The following LNX1 variants were observed in gnomAD, a reference collection of about 807,000 sequenced individuals.
LNX1 encodes the protein ligand of numb-protein X 1.
Under a neutral mutation model 68.4 loss-of-function variants are expected in LNX1, and 54 were observed. That is an observed-to-expected ratio of 0.79 (90% CI 0.63 to 0.99). The LOEUF (loss-of-function observed/expected upper bound fraction) is 0.99. LNX1 is among the 50% of genes least tolerant of loss of function. LNX1 has a pLI of 0.00. For missense variants in LNX1, 906 were observed against 926.4 expected, an observed-to-expected ratio of 0.98 and a Z score of 0.29; for synonymous variants, 336 against 350.0, an observed-to-expected ratio of 0.96 and a Z score of 0.45.
intron 2 of LNX1, among the ~76,000 whole-genome samples, chr4:53,554,685 C>T (rs1418378280): frequency 6.6e-6 from 1 of 152,138 alleles, no homozygotes; most frequent in Non-Finnish European, 1.5e-5. Flanking sequence ...AACCCCTTCT[C>T]TACTAAAAAT....
At chr4:53,535,812 C>A (rs2109637264) in intron 2 of LNX1, among the ~76,000 whole-genome samples, 1 of 152,278 alleles carries the variant, frequency 6.6e-6, no homozygotes, top group East Asian at 1.9e-4. Flanking sequence ...ACTTCTCATT[C>A]ATCTGTTGGC....
At position 53,563,637 on chromosome 4, in the gene LNX1, C is replaced by T. The variant is rs540248340; in HGVS notation, c.380+9986G>A. 2.0e-4 allele frequency among the ~76,000 whole-genome samples: 31 copies of T among 151,890 alleles called. No individual in the cohort carries two copies. In the East Asian group the frequency reaches 5.6e-3, roughly 28 times the overall value. On this transcript the variant is annotated intron_variant, in intron 2 of 10. Coordinates refer to ENST00000263925, the MANE Select transcript of LNX1 (RefSeq NM_001126328.3). The stretch of plus-strand genomic sequence containing the variant: ...GCAACCTCTGCCTCCCAGGTTCAAG[C>T]GATTCTCCTGCCTCAGCCTCCCGAG...
intron 2 of LNX1, among the ~76,000 whole-genome samples, chr4:53,542,849 T>A (rs1220160173): frequency 6.6e-6 from 1 of 152,078 alleles, no homozygotes; most frequent in Non-Finnish European, 1.5e-5. Context: ...AACCCCCCTC[T>A]CCCATCAGGA....
intron 2 of LNX1, among the ~76,000 whole-genome samples, chr4:53,562,140 T>C (rs998495257): frequency 1.3e-5 from 2 of 152,170 alleles, no homozygotes; most frequent in Non-Finnish European, 2.9e-5. Context: ...AAAATGGAAA[T>C]GTGGTCTTGA....
chr4:53,564,168 TTCA>T (rs1355480185), intron 2 of LNX1, among the ~76,000 whole-genome samples: 1 of 152,198 alleles, frequency 6.6e-6, no homozygotes, highest in East Asian at 1.9e-4. Context: ...GAGCTGAGTG[TTCA>T]TCAAGCCTCT....
At chr4:53,467,066 C>A (rs186198735) in intron 9 of LNX1, among the ~76,000 whole-genome samples, 1 of 152,144 alleles carries the variant, frequency 6.6e-6, no homozygotes, top group South Asian at 2.1e-4. Context: ...CCCTGACCCC[C>A]GAGTAGCCTA....
At chr4:53,605,485 A>G (rs569356172) in intron 2 of LNX1, among the ~76,000 whole-genome samples, 2 of 152,244 alleles carry the variant, frequency 1.3e-5, no homozygotes, top group East Asian at 1.9e-4. Context: ...CCAGTATACA[A>G]TACAATATTT....
chr4:53,624,334 A>G (rs1733995662), intron 1 of LNX1, among the ~76,000 whole-genome samples: 1 of 152,080 alleles, frequency 6.6e-6, no homozygotes, highest in Admixed American at 6.5e-5. Context: ...TTTCCCCCAT[A>G]CTGTTCTAGT....
chr4:53,486,663 A>G (rs1046988826), intron 6 of LNX1, among the ~76,000 whole-genome samples: 1 of 152,202 alleles, frequency 6.6e-6, no homozygotes, highest in Non-Finnish European at 1.5e-5. Context: ...CTTCTGGCTG[A>G]GGAAATAGGA....
At chr4:53,595,878 T>C (rs184421607), upstream of LNX1, among the ~76,000 whole-genome samples, 2 of 152,264 alleles carry the variant, frequency 1.3e-5, no homozygotes, top group Admixed American at 6.5e-5. Context: ...TATTTTTTTT[T>C]CCCATGACAT....
intron 1 of LNX1, among the ~76,000 whole-genome samples, chr4:53,628,665 C>G (rs1734161099): frequency 6.6e-6 from 1 of 152,210 alleles, no homozygotes; most frequent in Non-Finnish European, 1.5e-5. Context: ...GTGAAAAAGA[C>G]ACATGCACTT....
At chr4:53,525,842 G>C (rs1248828407) in intron 2 of LNX1, among the ~76,000 whole-genome samples, 4 of 152,168 alleles carry the variant, frequency 2.6e-5, no homozygotes, top group Admixed American at 2.6e-4. Flanking sequence ...TTGGTGTGGG[G>C]AGGCACTGGC....
chr4:53,610,253 A>G (rs539063152), intron 2 of LNX1, among the ~76,000 whole-genome samples: 62 of 152,306 alleles, frequency 4.1e-4, no homozygotes, highest in Non-Finnish European at 7.3e-4. Flanking sequence ...ATAAGAAAAA[A>G]TTATCAAAAG....
At chr4:53,513,044 C>A (rs571833653) in intron 2 of LNX1, among the ~76,000 whole-genome samples, 73 of 152,246 alleles carry the variant, frequency 4.8e-4, no homozygotes, top group African/African-American at 1.8e-3. Flanking sequence ...CCTGGCCTAT[C>A]CCTCTGCCCC....
chr4:53,462,564 T>C (rs748762361), intron 9 of LNX1, among the ~76,000 whole-genome samples: 4 of 152,126 alleles, frequency 2.6e-5, no homozygotes, highest in Non-Finnish European at 5.9e-5. Context: ...CAATAAAAAG[T>C]CTTGTGAAAT....
chr4:53,503,779 T>G (rs1044846937), intron 4 of LNX1, among the ~76,000 whole-genome samples: 1 of 152,222 alleles, frequency 6.6e-6, no homozygotes. Context: ...CATTGACTTC[T>G]CTCTAGTTAA....
chr4:53,468,745 G>T (rs901235757), intron 9 of LNX1, among the ~76,000 whole-genome samples: 24 of 152,168 alleles, frequency 1.6e-4, no homozygotes, highest in Non-Finnish European at 3.1e-4. Flanking sequence ...GACAAAGAAG[G>T]CCACTACATA....
chr4:53,514,793 C>G (rs971450028), intron 2 of LNX1, among the ~76,000 whole-genome samples: 3 of 152,136 alleles, frequency 2.0e-5, no homozygotes, highest in African/African-American at 4.8e-5. Context: ...AAACACCATA[C>G]CATCTCTGTA....
chr4:53,650,758 C>A (rs1054226195), intron 1 of LNX1, among the ~76,000 whole-genome samples: 1 of 151,976 alleles, frequency 6.6e-6, no homozygotes, highest in African/African-American at 2.4e-5. Context: ...TAAAGGATTC[C>A]ACCCTCATGG....
Sources: gnomAD v4.1 joint callset for allele counts (sites outside exome capture counted in the v4.1 genomes callset) on GRCh38, gnomAD v4.1.1 for gene constraint, MANE v1.5 for transcripts, NCBI Gene and HGNC (gene_info 2026-07-23, HGNC 2026-07-21) for gene names.